The following EPHA4 variants were observed in gnomAD, a reference collection of about 807,000 sequenced individuals.
EPHA4 encodes the protein ephrin type-A receptor 4.
Under a neutral mutation model 108.3 loss-of-function variants are expected in EPHA4, and 19 were observed. The ratio of observed to expected loss-of-function variants is 0.18; its 90% confidence interval spans 0.12 to 0.26. The LOEUF (loss-of-function observed/expected upper bound fraction) is 0.26, where lower values mean the gene tolerates loss of function less well. Ranked by LOEUF, EPHA4 falls within the 10% of genes least tolerant of loss-of-function variation. The pLI, the probability that EPHA4 is intolerant of heterozygous loss-of-function variation, is 1.00. For synonymous variants in EPHA4, 449 were observed against 455.5 expected (o/e 0.99, Z 0.18); for missense variants, 917 against 1,254.0 (o/e 0.73, Z 4.06).
chr2:221,517,556 G>A (rs1293940157), intron 3 of EPHA4, among the ~76,000 whole-genome samples: 2 of 152,146 alleles, frequency 1.3e-5, no homozygotes, highest in Non-Finnish European at 2.9e-5. Context: ...GGACCAGGGT[G>A]GAGGAGGGCG....
chr2:221,457,893 C>T lies in EPHA4; in HGVS notation c.1416G>A (p.Leu472=). ...LEPDRPNGVI[L]EYEVKYYEKD... is the part of the protein sequence containing the mutation. ...TCTCATAATACTTGACTTCATATTCCAGGATTACCCCATTGGGCCGATCTG... is the reference window on the plus strand; with the variant it reads ...TCTCATAATACTTGACTTCATATTCTAGGATTACCCCATTGGGCCGATCTG... The change falls in exon 6 of 18, where the codon CTG becomes CTA. Residue 472 remains leucine (L), a synonymous_variant. Transcript: ENST00000281821. 6.2e-7 allele frequency: 1 copy of T among 1,613,640 alleles called. No homozygotes were observed. The highest frequency in any genetic ancestry group is 8.5e-7 in the Non-Finnish European group (1 of 1,179,732).
chr2:221,424,521 G>T (rs1689842237), intron 17 of EPHA4, among the ~76,000 whole-genome samples: 1 of 150,926 alleles, frequency 6.6e-6, no homozygotes, highest in African/African-American at 2.4e-5. Context: ...CCAGTCCAAA[G>T]TTATGTCCTT....
At chr2:221,448,758 C>T (rs548024795) in intron 8 of EPHA4, among the ~76,000 whole-genome samples, 1 of 152,272 alleles carries the variant, frequency 6.6e-6, no homozygotes, top group South Asian at 2.1e-4. Flanking sequence ...AGATCTCGAA[C>T]ACTGATTTGA....
chr2:221,572,155 T>A lies in EPHA4; in HGVS notation c.91+3A>T. 6.2e-7 allele frequency: 1 copy of A among 1,613,506 alleles called. No individual in the cohort carries two copies. The highest frequency in any genetic ancestry group is 8.5e-7 in the Non-Finnish European group (1 of 1,179,492). On this transcript the variant is annotated splice_donor_region_variant and intron_variant, in intron 1 of 17. Transcript: ENST00000281821. The stretch of plus-strand genomic sequence containing the variant: ...GACCACAGAAAGGCCGTCCCGCTCT[T>A]ACCTTCATTCGCGGGGTATACCCTG...
At chr2:221,463,677 C>G (rs1399828138) in intron 5 of EPHA4, among the ~76,000 whole-genome samples, 1 of 152,218 alleles carries the variant, frequency 6.6e-6, no homozygotes, top group Non-Finnish European at 1.5e-5. Flanking sequence ...TTGCTCCCCA[C>G]TGACGTGAAT....
At chr2:221,436,279 G>A (rs958887998) in intron 13 of EPHA4, 120 bp downstream of exon 13, 11 of 840,604 alleles carry the variant, frequency 1.3e-5, no homozygotes, top group Non-Finnish European at 1.8e-5. Flanking sequence ...AATATGAGGA[G>A]GCTTCAAGGG....
intron 2 of EPHA4, 73 bp downstream of exon 2, chr2:221,568,645 C>T (rs1694739066): frequency 8.2e-7 from 1 of 1,220,070 alleles, no homozygotes; most frequent in African/African-American, 1.5e-5. Flanking sequence ...AAGAATCAAG[C>T]CATTAGGACT....
intron 5 of EPHA4, 131 bp downstream of exon 5, chr2:221,482,221 T>C: frequency 1.0e-6 from 1 of 1,003,044 alleles, no homozygotes; most frequent in Admixed American, 2.9e-5. Context: ...CCTAAGTATC[T>C]TTTACATTAT....
At chr2:221,535,356 A>T (rs918888100) in intron 3 of EPHA4, among the ~76,000 whole-genome samples, 1 of 152,204 alleles carries the variant, frequency 6.6e-6, no homozygotes, top group Non-Finnish European at 1.5e-5. Flanking sequence ...TTTTGCAACC[A>T]CTAGGGTTCA....
chr2:221,467,329 C>T (rs548596950), intron 5 of EPHA4, among the ~76,000 whole-genome samples: 11 of 152,140 alleles, frequency 7.2e-5, no homozygotes, highest in East Asian at 3.9e-4. Context: ...CTTTTCCATA[C>T]GTGTATATTT....
intron 3 of EPHA4, among the ~76,000 whole-genome samples, chr2:221,543,848 G>A (rs1693907823): frequency 6.6e-6 from 1 of 152,176 alleles, no homozygotes; most frequent in Non-Finnish European, 1.5e-5. Context: ...AGGATGCCAT[G>A]TATCTTCATC....
chr2:221,434,397 A>C (rs1039399487), intron 13 of EPHA4, 106 bp from the exon 14 acceptor site: 16 of 1,173,108 alleles, frequency 1.4e-5, no homozygotes, highest in Non-Finnish European at 1.9e-5. Flanking sequence ...AGCATTCTTG[A>C]GATAGCTCTC....
intron 5 of EPHA4, among the ~76,000 whole-genome samples, chr2:221,460,358 C>G (rs900890083): frequency 6.6e-6 from 1 of 152,128 alleles, no homozygotes; most frequent in African/African-American, 2.4e-5. Flanking sequence ...TCTTTCATAC[C>G]TACTGGAGAG....
rs981128868 is a variant in EPHA4 at position 221,563,743 on chromosome 2, C to T, written c.811G>A (p.Gly271Arg). The change falls in exon 3 of 18, where the codon GGA becomes AGA. Residue 271 changes from glycine (G) to arginine (R), a missense_variant. Gly to Arg is a moderately radical substitution (Grantham distance 125). This residue lies in a region of EPHA4 where 758 missense variants were observed against 1,076.7 expected (regional missense o/e 0.70). Coordinates refer to ENST00000281821, the MANE Select transcript of EPHA4 (RefSeq NM_004438.5). ...TGGACCCTCTTACCTTGGCATTCTCCGCTCCGCTCCTCATGCCCAGCGTTG... is the reference window on the plus strand; with the variant it reads ...TGGACCCTCTTACCTTGGCATTCTCTGCTCCGCTCCTCATGCCCAGCGTTG... The part of the protein sequence containing the change: ...LCNAGHEERS[G>R]ECQACKIGYY... 1.6e-5 allele frequency: 26 copies of T among 1,613,824 alleles called. 1 individual carries two copies. The highest frequency in any genetic ancestry group is 4.5e-5 in the East Asian group (2 of 44,884).
chr2:221,557,649 A>G (rs1204056710), intron 3 of EPHA4, among the ~76,000 whole-genome samples: 1 of 152,050 alleles, frequency 6.6e-6, no homozygotes, highest in African/African-American at 2.4e-5. Flanking sequence ...GCTGCAGAGA[A>G]TTTTGAAGGT....
chr2:221,483,535 T>TGTGTGTGTGTGTGA lies in EPHA4; in HGVS notation c.980-846_980-845insTCACACACACACAC, dbSNP rs574575643. ...GTGTGTGTGTGTGTGTGTGTGTGTG[T>TGTGTGTGTGTGTGA]GATGGAGTCTCGCTCTGTCACCCAG... On this transcript the variant is annotated intron_variant, in intron 4 of 17. Transcript: ENST00000281821. Among the ~76,000 whole-genome samples, 319 of 150,286 alleles carry TGTGTGTGTGTGTGA rather than the reference T, an allele frequency of 2.1e-3. 2 individuals carry two copies. Among genetic ancestry groups the TGTGTGTGTGTGTGA allele is most frequent in the African/African-American group, 7.4e-3 (304 of 41,102 alleles).
chr2:221,515,723 G>A (rs1394355743), intron 3 of EPHA4, among the ~76,000 whole-genome samples: 1 of 152,192 alleles, frequency 6.6e-6, no homozygotes, highest in South Asian at 2.1e-4. Context: ...AGGCTGAGGT[G>A]GGAGGATCCT....
intron 4 of EPHA4, among the ~76,000 whole-genome samples, chr2:221,489,083 A>T (rs752113448): frequency 3.9e-5 from 6 of 152,172 alleles, no homozygotes; most frequent in Non-Finnish European, 8.8e-5. Flanking sequence ...TAAAGTCAGA[A>T]ATGTCTCCAG....
At chr2:221,459,426 A>G (rs1691073119) in intron 5 of EPHA4, among the ~76,000 whole-genome samples, 1 of 152,116 alleles carries the variant, frequency 6.6e-6, no homozygotes. Flanking sequence ...GGCAATCCCA[A>G]GGTTAGTAAT....
Sources: gnomAD v4.1 joint callset for allele counts (sites outside exome capture counted in the v4.1 genomes callset) on GRCh38, gnomAD v4.1.1 for gene constraint, gnomAD v4.1.1 regional missense constraint, MANE v1.5 for transcripts, NCBI Gene and HGNC (gene_info 2026-07-23, HGNC 2026-07-21) for gene names.